Variants in PRICKLE2 observed in about 807,000 individuals in gnomAD.
The protein encoded by PRICKLE2 is prickle-like protein 2.
In PRICKLE2, 21 loss-of-function variants were observed where a neutral mutation model predicts 81.4. The observed-to-expected ratio is 0.26, with a 90% CI of 0.18 to 0.37. The LOEUF (loss-of-function observed/expected upper bound fraction) is 0.37. Among genes scored for constraint, PRICKLE2 ranks in the 10% least tolerant of loss-of-function variants. The pLI is 1.00. For missense variants in PRICKLE2, 940 were observed against 1,109.0 expected (o/e 0.85, Z 2.16); for synonymous variants, 456 against 421.5 (o/e 1.08, Z -1.00).
intron 1 of PRICKLE2, among the ~76,000 whole-genome samples, chr3:64,219,879 G>A (rs2078925288): frequency 6.6e-6 from 1 of 152,142 alleles, no homozygotes; most frequent in South Asian, 2.1e-4. Context: ...TAACTTCCAG[G>A]AGTCCTGATT....
At chr3:64,183,388 A>T (rs1309854888) in intron 2 of PRICKLE2, among the ~76,000 whole-genome samples, 1 of 152,184 alleles carries the variant, frequency 6.6e-6, no homozygotes, top group African/African-American at 2.4e-5. Flanking sequence ...AAAATAACAC[A>T]TATATTTATA....
rs113321925 is a variant in PRICKLE2 at position 64,225,431 on chromosome 3, C to T, written c.-562G>A. ...AAAAAATAATAATAACTCTCGGTGG[C>T]GCTGCTGGTGGTGCCTGAGAAGTCG... On this transcript the variant is annotated 5_prime_UTR_variant, in exon 1 of 8. Coordinates refer to ENST00000638394, the MANE Select transcript of PRICKLE2 (RefSeq NM_198859.4). 3.1e-3 allele frequency: 2,927 copies of T among 958,510 alleles called. 6 individuals carry two copies. The highest frequency in any genetic ancestry group is 3.4e-3 in the Non-Finnish European group (2,747 of 817,516). 59.4% of individuals were successfully genotyped at this position (958,510 alleles called of 1,614,324 possible). A position where few individuals can be genotyped will look rare whatever the true frequency, so the allele number is the denominator to read the frequency against.
At chr3:64,185,246 T>A (rs1421395935) in intron 2 of PRICKLE2, among the ~76,000 whole-genome samples, 1 of 152,122 alleles carries the variant, frequency 6.6e-6, no homozygotes, top group Non-Finnish European at 1.5e-5. Context: ...TCAGAAAGGT[T>A]TCTCAGGACC....
At chr3:64,221,356 A>C (rs1215855228) in intron 1 of PRICKLE2, among the ~76,000 whole-genome samples, 1 of 151,914 alleles carries the variant, frequency 6.6e-6, no homozygotes, top group Non-Finnish European at 1.5e-5. Context: ...AGAAAAAAGA[A>C]AACGAAGTCT....
At chr3:64,234,130 A>C (rs1437556854) in intron 2 of PRICKLE2, among the ~76,000 whole-genome samples, 1 of 152,030 alleles carries the variant, frequency 6.6e-6, no homozygotes, top group Non-Finnish European at 1.5e-5. Context: ...ATGAACATTC[A>C]CGTATAAGTT....
At chr3:64,264,384 G>A (rs554189874) in intron 2 of PRICKLE2, among the ~76,000 whole-genome samples, 1 of 152,220 alleles carries the variant, frequency 6.6e-6, no homozygotes, top group East Asian at 1.9e-4. Context: ...CAGATTTCCA[G>A]GTCATACTAC....
chr3:64,241,260 G>A (rs1053806518), intron 2 of PRICKLE2, among the ~76,000 whole-genome samples: 2 of 152,176 alleles, frequency 1.3e-5, no homozygotes, highest in African/African-American at 2.4e-5. Context: ...CTGAGCTCAA[G>A]CTCCTAGGAG....
chr3:64,222,342 A>G (rs945452670), intron 1 of PRICKLE2, among the ~76,000 whole-genome samples: 37 of 152,358 alleles, frequency 2.4e-4, no homozygotes, highest in Admixed American at 9.8e-4. Flanking sequence ...ACCAACTCCC[A>G]GTTCCGAGTT....
intron 2 of PRICKLE2, among the ~76,000 whole-genome samples, chr3:64,166,289 C>G (rs1286909759): frequency 1.3e-5 from 2 of 152,060 alleles, no homozygotes; most frequent in Non-Finnish European, 2.9e-5. Context: ...AGAGAAGGAC[C>G]CTGATTACCC....
intron 2 of PRICKLE2, among the ~76,000 whole-genome samples, chr3:64,264,005 G>A (rs1162887986): frequency 2.6e-5 from 4 of 152,140 alleles, no homozygotes; most frequent in Non-Finnish European, 5.9e-5. Flanking sequence ...GCAGGGCAGT[G>A]GGAAGGGTGG....
chr3:64,202,919 T>A (rs1427135148), intron 1 of PRICKLE2, among the ~76,000 whole-genome samples: 2 of 152,172 alleles, frequency 1.3e-5, no homozygotes, highest in Non-Finnish European at 2.9e-5. Flanking sequence ...ACATGCTCTT[T>A]ATCAGGTAGA....
intron 7 of PRICKLE2, among the ~76,000 whole-genome samples, chr3:64,133,778 T>G (rs1296033752): frequency 6.6e-6 from 1 of 152,180 alleles, no homozygotes; most frequent in Non-Finnish European, 1.5e-5. Flanking sequence ...AGGCTCATCT[T>G]TCTGGCTGCA....
chr3:64,209,449 T>C (rs1417821502), intron 1 of PRICKLE2, among the ~76,000 whole-genome samples: 1 of 152,092 alleles, frequency 6.6e-6, no homozygotes, highest in Non-Finnish European at 1.5e-5. Context: ...TATCTATCAA[T>C]CCATCTACCC....
chr3:64,165,055 A>G (rs1482678832), intron 2 of PRICKLE2, among the ~76,000 whole-genome samples: 1 of 152,120 alleles, frequency 6.6e-6, no homozygotes, highest in Non-Finnish European at 1.5e-5. Context: ...CCCAACTTCC[A>G]TTGTCGTTAT....
chr3:64,255,054 G>A lies in PRICKLE2; in HGVS notation c.129-56087C>T, dbSNP rs919964423. 1.4e-4 allele frequency among the ~76,000 whole-genome samples: 21 copies of A among 152,130 alleles called. 1 individual carries two copies. Among genetic ancestry groups the A allele is most frequent in the Admixed American group, 7.9e-4 (12 of 15,272 alleles). On this transcript the variant is annotated intron_variant, in intron 2 of 8. Transcript: ENST00000295902. ...ATGTATGTAGAAGGAACCTGAAAGC[G>A]CCTATCTACCTCCCACATTTTCCCA... is the stretch of plus-strand genomic sequence containing the variant.
intron 2 of PRICKLE2, among the ~76,000 whole-genome samples, chr3:64,241,810 T>C (rs2079269664): frequency 1.3e-5 from 2 of 152,174 alleles, no homozygotes; most frequent in Admixed American, 6.5e-5. Context: ...AGGGCCTGAT[T>C]GTCGGCAGCC....
chr3:64,263,755 A>G (rs936183629), intron 2 of PRICKLE2, among the ~76,000 whole-genome samples: 1 of 152,200 alleles, frequency 6.6e-6, no homozygotes, highest in Admixed American at 6.5e-5. Context: ...AAGAATTCCA[A>G]AAGCTGCAGG....
chr3:64,255,653 A>G (rs141886250), intron 2 of PRICKLE2, among the ~76,000 whole-genome samples: 28 of 152,298 alleles, frequency 1.8e-4, no homozygotes, highest in Admixed American at 1.8e-3. Context: ...CTTGTTGAAT[A>G]TAACAGAGAA....
intron 3 of PRICKLE2, 45 bp downstream of exon 3, chr3:64,162,971 G>T (rs1383740516): frequency 6.1e-6 from 7 of 1,141,104 alleles, no homozygotes; most frequent in African/African-American, 1.5e-5. Context: ...ACAATTCATA[G>T]AAGGCACTAA....
Sources: gnomAD v4.1 joint callset for allele counts (sites outside exome capture counted in the v4.1 genomes callset) on GRCh38, gnomAD v4.1.1 for gene constraint, MANE v1.5 for transcripts, NCBI Gene and HGNC (gene_info 2026-07-23, HGNC 2026-07-21) for gene names.